Variants in HDAC4 observed in about 807,000 individuals in gnomAD.
HDAC4 encodes histone deacetylase A.
A neutral mutation model predicts 135.1 loss-of-function variants in HDAC4; 16 were observed. That is an observed-to-expected ratio of 0.12 (90% CI 0.08 to 0.18). The LOEUF is 0.18. HDAC4 is among the 10% of genes least tolerant of loss of function. The probability of loss-of-function intolerance (pLI) is 1.00; values close to 1 mark genes in which losing one functional copy is unlikely to be tolerated. For synonymous variants in HDAC4, 685 were observed against 653.4 expected, an observed-to-expected ratio of 1.05 and a Z score of -0.74; for missense variants, 1,143 against 1,511.8, an observed-to-expected ratio of 0.76 and a Z score of 4.05.
At chr2:239,098,699 AAAGAGGAAAGAAAAAAAATCACAC>A (rs1348520387) in intron 16 of HDAC4, among the ~76,000 whole-genome samples, 1 of 152,174 alleles carries the variant, frequency 6.6e-6, no homozygotes. Flanking sequence ...GATTCCATTA[AAAGAGGAAAGAAAAAAAATCACAC>A]AGTAGTGTTT....
intron 12 of HDAC4, among the ~76,000 whole-genome samples, chr2:239,121,158 G>C (rs1345257444): frequency 6.6e-6 from 1 of 152,024 alleles, no homozygotes. Flanking sequence ...GATTTCACCA[G>C]GTTGCCCAGG....
intron 1 of HDAC4, among the ~76,000 whole-genome samples, chr2:239,399,029 G>A (rs963682421): frequency 1.3e-5 from 2 of 152,242 alleles, no homozygotes; most frequent in Admixed American, 1.3e-4. Context: ...GTGTTGGGGT[G>A]TGTGTTTTTA....
intron 3 of HDAC4, among the ~76,000 whole-genome samples, chr2:239,212,851 A>C (rs1353716884): frequency 1.3e-5 from 2 of 152,224 alleles, no homozygotes; most frequent in Admixed American, 6.5e-5. Context: ...GAAGATAAGC[A>C]GTCAACATGC....
Position 239,299,743 on chromosome 2 carries a change from C to T in HDAC4, c.22+52935G>A, listed in dbSNP as rs1265131448. On this transcript the variant is annotated intron_variant, in intron 2 of 26. Transcript: ENST00000543185. This position sits in a 1 kb window ranked among gnomAD's most constrained non-coding sequence, Gnocchi z 4.0. ...CCCAGCAGCTCTCATAGACCCTGGA[C>T]CCAGCACAGTCCAGCTGGGGCCCAG... Among the ~76,000 whole-genome samples the T allele has an allele frequency of 3.3e-5, 5 of 152,208 alleles. No homozygotes were observed. Among genetic ancestry groups the T allele is most frequent in the Admixed American group, 6.5e-5 (1 of 15,284 alleles).
chr2:239,384,789 G>A (rs1265056766), intron 1 of HDAC4, among the ~76,000 whole-genome samples: 1 of 152,178 alleles, frequency 6.6e-6, no homozygotes, highest in African/African-American at 2.4e-5. Context: ...ATGCCGATTT[G>A]TATTCAAACA....
At chr2:239,296,554 A>G (rs1157759123) in intron 2 of HDAC4, among the ~76,000 whole-genome samples, 3 of 152,230 alleles carry the variant, frequency 2.0e-5, no homozygotes, top group East Asian at 3.8e-4. Context: ...TCAGGGTCAC[A>G]ATGCTGGCCG....
At chr2:239,376,520 A>G (rs900917733) in intron 1 of HDAC4, among the ~76,000 whole-genome samples, 3 of 152,180 alleles carry the variant, frequency 2.0e-5, no homozygotes, top group Non-Finnish European at 2.9e-5. Flanking sequence ...GACTCTGTCG[A>G]CCGCCCTGGC....
intron 14 of HDAC4, 126 bp from the exon 15 acceptor site, chr2:239,108,309 T>G (rs1575055896): frequency 1.6e-6 from 2 of 1,231,712 alleles, no homozygotes; most frequent in Non-Finnish European, 2.3e-6. Flanking sequence ...GCTGGGACGG[T>G]TCTTTAGAAA....
At position 239,373,240 on chromosome 2, in the gene HDAC4, C is replaced by A. The variant is rs116215930; in HGVS notation, c.-219-20322G>T. On this transcript the variant is annotated intron_variant, in intron 1 of 26. Coordinates refer to ENST00000543185, the MANE Select transcript of HDAC4 (RefSeq NM_001378414.1). ...CCCGACACTGCTGCGGCCTCTACAT[C>A]CTCCCTTGTAATGGACACCATCTCT... Among the ~76,000 whole-genome samples the A allele has an allele frequency of 2.0e-3, 303 of 152,322 alleles. 2 individuals are homozygous for A. The highest frequency in any genetic ancestry group is 7.1e-3 in the African/African-American group (294 of 41,552).
chr2:239,166,083 C>T (rs1194637432), intron 5 of HDAC4, among the ~76,000 whole-genome samples: 1 of 152,186 alleles, frequency 6.6e-6, no homozygotes, highest in Non-Finnish European at 1.5e-5. Context: ...TCATCACATA[C>T]CAAATGTCTT....
chr2:239,106,493 G>A (rs1435401100), intron 15 of HDAC4, among the ~76,000 whole-genome samples: 2 of 152,110 alleles, frequency 1.3e-5, no homozygotes, highest in Non-Finnish European at 2.9e-5. Flanking sequence ...TGTCTGCTGG[G>A]CAATGCTGCC....
chr2:239,387,723 G>C (rs187158414), intron 1 of HDAC4, among the ~76,000 whole-genome samples: 17 of 152,338 alleles, frequency 1.1e-4, no homozygotes, highest in African/African-American at 4.1e-4. Flanking sequence ...CACCAGAGCA[G>C]CTGGAACGTG....
At chr2:239,182,207 G>A (rs2044195644) in intron 4 of HDAC4, among the ~76,000 whole-genome samples, 1 of 152,188 alleles carries the variant, frequency 6.6e-6, no homozygotes, top group South Asian at 2.1e-4. Flanking sequence ...GCTTCGGGGT[G>A]CTTCTCAGCT....
At chr2:239,106,377 C>T (rs1046499800) in intron 15 of HDAC4, among the ~76,000 whole-genome samples, 2 of 152,154 alleles carry the variant, frequency 1.3e-5, no homozygotes, top group African/African-American at 2.4e-5. Context: ...GGTTATGGAG[C>T]TCTGGAAGCC....
intron 7 of HDAC4, among the ~76,000 whole-genome samples, chr2:239,152,503 C>T (rs900940201): frequency 7.2e-5 from 11 of 152,224 alleles, no homozygotes; most frequent in African/African-American, 1.7e-4. Context: ...AGGAAAGGGG[C>T]GGGGCCTCTG....
At chr2:239,176,588 C>T (rs774745015) in intron 4 of HDAC4, 25 bp from the exon 5 acceptor site, 20 of 1,607,878 alleles carry the variant, frequency 1.2e-5, no homozygotes, top group Middle Eastern at 3.5e-4. Flanking sequence ...AGGAGACAGA[C>T]GGTCAGAGCC....
chr2:239,388,566 G>A (rs964716249), intron 1 of HDAC4, among the ~76,000 whole-genome samples: 2 of 152,210 alleles, frequency 1.3e-5, no homozygotes, highest in African/African-American at 4.8e-5. Context: ...TGGCCCCAGA[G>A]GGCAGCTGGA....
At chr2:239,264,192 C>T (rs758945254) in intron 2 of HDAC4, among the ~76,000 whole-genome samples, 2 of 152,192 alleles carry the variant, frequency 1.3e-5, no homozygotes, top group Non-Finnish European at 2.9e-5. Context: ...GAGTTCCTGC[C>T]GCTCGGGGAC....
rs948547333 is a variant in HDAC4 at position 239,292,022 on chromosome 2, C to T, written c.23-55358G>A. Among the ~76,000 whole-genome samples the T allele has an allele frequency of 3.3e-5, 5 of 152,180 alleles. No individual in the cohort carries two copies. In the East Asian group the frequency reaches 5.8e-4, roughly 18 times the overall value. On this transcript the variant is annotated intron_variant, in intron 2 of 26. Coordinates refer to ENST00000543185, the MANE Select transcript of HDAC4 (RefSeq NM_001378414.1). ...ACAGCCACGCCAGGGGCTGCGCGCACGGCCCAGCTCGGCCCAGCTCAGCCC... is the reference window on the plus strand; with the variant it reads ...ACAGCCACGCCAGGGGCTGCGCGCATGGCCCAGCTCGGCCCAGCTCAGCCC...
Sources: allele counts gnomAD v4.1 joint callset (sites outside exome capture counted in the v4.1 genomes callset), GRCh38; gene constraint gnomAD v4.1.1; non-coding constraint Gnocchi (gnomAD v3.1); transcripts MANE v1.5; gene names NCBI Gene and HGNC (gene_info 2026-07-23, HGNC 2026-07-21).